The following NBAS variants were observed in gnomAD, a reference collection of about 807,000 sequenced individuals.
The protein encoded by NBAS is NAG/BC035112 fusion.
Under a neutral mutation model 302.5 loss-of-function variants are expected in NBAS, and 219 were observed. The observed-to-expected ratio is 0.72, with a 90% CI of 0.65 to 0.81. The LOEUF (loss-of-function observed/expected upper bound fraction) is 0.81. Among genes scored for constraint, NBAS ranks in the 30% least tolerant of loss-of-function variants. The pLI is 0.00. For missense variants in NBAS, 2,932 were observed against 2,841.6 expected (o/e 1.03, Z -0.72); for synonymous variants, 1,118 against 1,021.6 (o/e 1.09, Z -1.80).
chr2:14,991,353 C>T, the NBAS span, among the ~76,000 whole-genome samples: 11 of 152,052 alleles, frequency 7.2e-5, no homozygotes, highest in East Asian at 1.9e-4. Context: ...ATCTGAAGGA[C>T]GCCTTCCTCC....
intron 12 of NBAS, among the ~76,000 whole-genome samples, chr2:15,482,384 C>T (rs1167476625): frequency 2.0e-5 from 3 of 152,148 alleles, no homozygotes; most frequent in Non-Finnish European, 4.4e-5. Flanking sequence ...TCCCAAAGTG[C>T]TGGGATTACT....
chr2:15,251,058 C>T (rs181746781), intron 44 of NBAS, among the ~76,000 whole-genome samples: 1 of 152,132 alleles, frequency 6.6e-6, no homozygotes, highest in African/African-American at 2.4e-5. Flanking sequence ...GGAACCAATC[C>T]AAATGCCCAT....
chr2:15,369,386 A>C (rs1055924979), intron 31 of NBAS, among the ~76,000 whole-genome samples: 2 of 152,160 alleles, frequency 1.3e-5, no homozygotes, highest in African/African-American at 2.4e-5. Flanking sequence ...TGGAACACTC[A>C]AGTTTGATTA....
the NBAS span, among the ~76,000 whole-genome samples, chr2:14,965,664 A>G: frequency 0.019 from 2,849 of 152,276 alleles, 109 homozygotes; most frequent in African/African-American, 0.066. Context: ...AATACTTCCC[A>G]ATTCATTCTG....
chr2:15,165,269 C>T (rs532253410), downstream of NBAS, among the ~76,000 whole-genome samples: 6 of 152,342 alleles, frequency 3.9e-5, no homozygotes, highest in East Asian at 7.7e-4. Context: ...CGGACATAGG[C>T]GGTGCCATCA....
At chr2:15,072,153 AG>A in the NBAS span, among the ~76,000 whole-genome samples, 1 of 152,258 alleles carries the variant, frequency 6.6e-6, no homozygotes, top group Non-Finnish European at 1.5e-5. Context: ...AACCCCCTCT[AG>A]CAGTCTGTGA....
intron 13 of NBAS, among the ~76,000 whole-genome samples, chr2:15,477,910 C>T (rs902102887): frequency 6.6e-6 from 1 of 152,112 alleles, no homozygotes; most frequent in Non-Finnish European, 1.5e-5. Context: ...ACCCCCAACC[C>T]GCGAGATAAC....
the NBAS span, among the ~76,000 whole-genome samples, chr2:14,801,971 T>A: frequency 1.4e-5 from 2 of 146,348 alleles, no homozygotes; most frequent in African/African-American, 5.1e-5. Context: ...ATTTTGTAGG[T>A]TGCCTGTTCA....
At chr2:14,932,171 C>T in the NBAS span, among the ~76,000 whole-genome samples, 1 of 152,210 alleles carries the variant, frequency 6.6e-6, no homozygotes, top group African/African-American at 2.4e-5. Flanking sequence ...CACAAACCCT[C>T]ATCCTATTTT....
chr2:15,117,704 T>C, the NBAS span, among the ~76,000 whole-genome samples: 2 of 152,178 alleles, frequency 1.3e-5, no homozygotes, highest in Admixed American at 6.5e-5. Context: ...TGGACTCCTT[T>C]CTCTGGAGGA....
chr2:14,942,024 A>G, the NBAS span, among the ~76,000 whole-genome samples: 60 of 152,336 alleles, frequency 3.9e-4, no homozygotes, highest in East Asian at 6.0e-3. Context: ...CAAACCGTTG[A>G]GTACCAAATT....
the NBAS span, among the ~76,000 whole-genome samples, chr2:14,783,885 G>C: frequency 7.3e-5 from 11 of 150,562 alleles, no homozygotes; most frequent in South Asian, 2.3e-3. Flanking sequence ...AGATCCCTGA[G>C]GAATCGCCAC....
At chr2:15,551,660 TG>T in intron 5 of NBAS, 124 bp from the exon 6 acceptor site, 1 of 660,742 alleles carries the variant, frequency 1.5e-6, no homozygotes, top group South Asian at 2.2e-5. Context: ...CTCTCAGACA[TG>T]GTTTTGTGGC....
At chr2:15,088,200 GC>G in the NBAS span, among the ~76,000 whole-genome samples, 1 of 152,156 alleles carries the variant, frequency 6.6e-6, no homozygotes, top group Non-Finnish European at 1.5e-5. Flanking sequence ...CTGGTGAAGA[GC>G]AAAAGGTAGT....
At chr2:14,914,059 C>G in the NBAS span, among the ~76,000 whole-genome samples, 1 of 152,096 alleles carries the variant, frequency 6.6e-6, no homozygotes, top group Non-Finnish European at 1.5e-5. Context: ...GCAGGCGAGA[C>G]AGAATAAAAG....
chr2:15,359,901 A>G (rs1398960352), intron 32 of NBAS, among the ~76,000 whole-genome samples: 3 of 152,252 alleles, frequency 2.0e-5, no homozygotes, highest in Non-Finnish European at 4.4e-5. Context: ...TTCCGTCTTG[A>G]GCAAATATCA....
At chr2:15,507,575 C>A (rs1558398341) in intron 10 of NBAS, among the ~76,000 whole-genome samples, 1 of 152,282 alleles carries the variant, frequency 6.6e-6, no homozygotes, top group South Asian at 2.1e-4. Flanking sequence ...TACATCCTGG[C>A]AAAAGCCTTA....
chr2:15,232,858 GTT>G (rs11342755), intron 46 of NBAS, among the ~76,000 whole-genome samples: 91 of 145,174 alleles, frequency 6.3e-4, no homozygotes, highest in Middle Eastern at 3.5e-3. Flanking sequence ...TCCAGTTGAA[GTT>G]TTTTTTTTTT....
intron 40 of NBAS, among the ~76,000 whole-genome samples, chr2:15,304,175 G>C (rs1670930217): frequency 6.6e-6 from 1 of 152,186 alleles, no homozygotes. Context: ...AATCATGAGG[G>C]TGGTTTCCCC....
Sources: gnomAD v4.1 joint callset for allele counts (sites outside exome capture counted in the v4.1 genomes callset) on GRCh38, gnomAD v4.1.1 for gene constraint, MANE v1.5 for transcripts, NCBI Gene and HGNC (gene_info 2026-07-23, HGNC 2026-07-21) for gene names.